The following UBA3 variants were observed in gnomAD, a reference collection of about 807,000 sequenced individuals.
UBA3 encodes the protein ubiquitin like modifier activating enzyme 3.
A neutral mutation model predicts 73.5 loss-of-function variants in UBA3; 26 were observed. The ratio of observed to expected loss-of-function variants is 0.35; its 90% CI spans 0.26 to 0.49. The LOEUF (loss-of-function observed/expected upper bound fraction) is 0.49, where lower values mean the gene tolerates loss of function less well. UBA3 is among the 20% of genes least tolerant of loss of function. The pLI is 0.98. For missense variants in UBA3, 495 were observed against 555.6 expected, an observed-to-expected ratio of 0.89 and a Z score of 1.10; for synonymous variants, 217 against 191.2, an observed-to-expected ratio of 1.13 and a Z score of -1.11.
chr3:69,080,307 G>C, intron 1 of UBA3, 27 bp downstream of exon 1: 1 of 1,603,850 alleles, frequency 6.2e-7, no homozygotes, highest in Non-Finnish European at 8.5e-7. Flanking sequence ...GCCCAGCCCG[G>C]CGCGTCTGCA....
intron 8 of UBA3, 115 bp from the exon 9 acceptor site, chr3:69,063,252 A>T (rs1300771744): frequency 7.3e-7 from 1 of 1,368,864 alleles, no homozygotes; most frequent in Non-Finnish European, 1.0e-6. Flanking sequence ...AATGTATCAA[A>T]TCAAGGGATT....
chr3:69,079,288 G>A (rs1350208727), intron 2 of UBA3, among the ~76,000 whole-genome samples: 1 of 152,228 alleles, frequency 6.6e-6, no homozygotes, highest in African/African-American at 2.4e-5. Context: ...AAAAGTGGGA[G>A]GGAAATAAAA....
Position 69,062,168 on chromosome 3 carries a change from G to C in UBA3, c.705C>G (p.Pro235=). 6.2e-7 allele frequency: 1 copy of C among 1,610,186 alleles called. No homozygotes were observed. Among genetic ancestry groups the C allele is most frequent in the South Asian group, 1.1e-5 (1 of 90,754 alleles). Residue 235 remains proline (P), a synonymous_variant, in exon 10 of 18, where the codon CCC becomes CCG. Transcript: ENST00000361055. Reference sequence around the variant, plus strand: ...TGGGCATAGATGCAATGGTGCACATGGGAAAATTAACCTAAAACCACAGTT... The same window carrying C: ...TGGGCATAGATGCAATGGTGCACATCGGAAAATTAACCTAAAACCACAGTT... ...LELYPPQVNF[P]MCTIASMPRL...
At chr3:69,080,045 C>T in intron 2 of UBA3, 67 bp downstream of exon 2, 1 of 1,497,108 alleles carries the variant, frequency 6.7e-7, no homozygotes. Context: ...GCGGCTGGTC[C>T]CCTAGGCCTG....
intron 6 of UBA3, among the ~76,000 whole-genome samples, chr3:69,066,851 T>G (rs1336595553): frequency 6.6e-6 from 1 of 152,238 alleles, no homozygotes; most frequent in Non-Finnish European, 1.5e-5. Flanking sequence ...TTGAAGACTA[T>G]GCTTCTTCCA....
rs1559646141 is a variant in UBA3, at chr3:69,071,591, A to G, written c.291T>C (p.His97=). 5 of 1,563,150 alleles carry G rather than the reference A, an allele frequency of 3.2e-6. No homozygotes were observed. The African/African-American group carries it at 4.2e-5, about 13-fold the overall frequency. ...NLALSGFRQI[H]VIDMDTIDVS... is the part of the protein sequence containing the mutation. ...CATCTATAGTGTCCATATCTATAAC[A>G]TGAATCTGTCTAAAACCAGACAAGG... Residue 97 remains histidine (H), a synonymous_variant, in exon 5 of 18, where the codon CAT becomes CAC. Coordinates refer to ENST00000361055, the MANE Select transcript of UBA3 (RefSeq NM_003968.4).
chr3:69,070,069 T>C (rs1212170523), intron 5 of UBA3, among the ~76,000 whole-genome samples: 2 of 152,196 alleles, frequency 1.3e-5, no homozygotes, highest in Non-Finnish European at 2.9e-5. Flanking sequence ...ATGGATAGTT[T>C]AGAAGTACTT....
At chr3:69,070,821 T>G (rs996093715) in intron 5 of UBA3, among the ~76,000 whole-genome samples, 9 of 152,096 alleles carry the variant, frequency 5.9e-5, no homozygotes, top group Non-Finnish European at 1.0e-4. Flanking sequence ...ATTTTTTAAT[T>G]TTTTTGTAGA....
chr3:69,075,521 T>G lies in UBA3; in HGVS notation c.184-11A>C, dbSNP rs752026920. 1 of 1,512,680 alleles carries G rather than the reference T, an allele frequency of 6.6e-7. No individual in the cohort carries two copies. Among genetic ancestry groups the G allele is most frequent in the East Asian group, 2.4e-5 (1 of 41,008 alleles). The allele number at this position is 1,512,680 out of a possible 1,614,324, so 93.7% of individuals were successfully genotyped here. A position where few individuals can be genotyped will look rare whatever the true frequency, so the allele number is the denominator to read the frequency against. Reference sequence around the variant, plus strand: ...CAAGAACTGGAGAGACTGTAAAGAATGGAAAGGCATATTAAAAGCTGGGTG... The same window carrying G: ...CAAGAACTGGAGAGACTGTAAAGAAGGGAAAGGCATATTAAAAGCTGGGTG... On this transcript the variant is annotated splice_polypyrimidine_tract_variant and intron_variant, in intron 3 of 17. Coordinates refer to ENST00000361055, the MANE Select transcript of UBA3 (RefSeq NM_003968.4).
At chr3:69,071,670 C>T (rs146886280) in intron 4 of UBA3, 53 bp from the exon 5 acceptor site, 41 of 1,167,384 alleles carry the variant, frequency 3.5e-5, no homozygotes, top group Admixed American at 1.7e-4. Flanking sequence ...CATTTAAAAA[C>T]GTAACATTTG....
chr3:69,077,593 CTTATA>C (rs1306315885), intron 3 of UBA3, 200 bp downstream of exon 3: 9 of 519,084 alleles, frequency 1.7e-5, no homozygotes, highest in African/African-American at 8.0e-5. Flanking sequence ...AAATTTTCAA[CTTATA>C]TTACATGAGA....
At chr3:69,075,368 A>G in intron 4 of UBA3, 62 bp downstream of exon 4, 1 of 793,976 alleles carries the variant, frequency 1.3e-6, no homozygotes, top group African/African-American at 1.8e-5. Flanking sequence ...TATGACAGAT[A>G]AGTAAGGTTT....
At position 69,063,486 on chromosome 3, in the gene UBA3, A is replaced by G; in HGVS notation, c.490T>C (p.Cys164Arg). Reference protein sequence around the residue: ...TFYRQFHIIVCGLDSIIARRW... With the variant: ...TFYRQFHIIVRGLDSIIARRW... ...CTGGCGATGATAGAGTCCAGTCCAC[A>G]TACAATAATATGAAATTCTACAAAA... The change falls in exon 8 of 18, where the codon TGT becomes CGT. Residue 164 changes from cysteine (C) to arginine (R), a missense_variant. By Grantham distance (180) the Cys-to-Arg change is radical. Transcript: ENST00000361055. The G allele has an allele frequency of 6.4e-7, 1 of 1,566,808 alleles. No individual in the cohort carries two copies. Among genetic ancestry groups the G allele is most frequent in the East Asian group, 2.3e-5 (1 of 43,446 alleles).
intron 2 of UBA3, among the ~76,000 whole-genome samples, chr3:69,079,203 G>A (rs78792385): frequency 0.025 from 3,740 of 152,286 alleles, 63 homozygotes; most frequent in East Asian, 0.038. Context: ...CAGCCATGAG[G>A]ATATAGATAA....
At chr3:69,057,909 C>T (rs1225189048) in intron 11 of UBA3, among the ~76,000 whole-genome samples, 5 of 148,624 alleles carry the variant, frequency 3.4e-5, no homozygotes, top group Non-Finnish European at 7.4e-5. Flanking sequence ...TTCTCTACTT[C>T]AACCCCACAT....
chr3:69,065,383 T>TA (rs1269412573), intron 6 of UBA3, among the ~76,000 whole-genome samples: 1 of 152,194 alleles, frequency 6.6e-6, no homozygotes, highest in Non-Finnish European at 1.5e-5. Flanking sequence ...CATCTTACTA[T>TA]AGTACAGTAC....
chr3:69,076,209 G>C (rs1015665706), intron 3 of UBA3, among the ~76,000 whole-genome samples: 4 of 152,136 alleles, frequency 2.6e-5, no homozygotes, highest in African/African-American at 9.7e-5. Context: ...ATCAAGCACT[G>C]CCCAAAGTGT....
At chr3:69,056,516 T>C (rs1158143504) in intron 14 of UBA3, 96 bp downstream of exon 14, 2 of 1,116,780 alleles carry the variant, frequency 1.8e-6, no homozygotes, top group East Asian at 2.4e-5. Flanking sequence ...TTCTGGAAGT[T>C]AGAAAATGTA....
chr3:69,077,907 T>C lies in UBA3; in HGVS notation c.74A>G (p.Asp25Gly), dbSNP rs200824807. 1.9e-6 allele frequency: 3 copies of C among 1,613,930 alleles called. No individual in the cohort carries two copies. Among genetic ancestry groups the C allele is most frequent in the Admixed American group, 1.7e-5 (1 of 59,978 alleles). The part of the protein sequence containing the change: ...EELLAEKMAV[D>G]GGCGDTGDWE... ...GTCTCCAGTGTCCCCACACCCACCA[T>C]CAACAGCCATTCTGCACAGAACACA... Residue 25 changes from aspartate to glycine, a missense_variant, in exon 3 of 18, where the codon GAT becomes GGT. Coordinates refer to ENST00000361055, the MANE Select transcript of UBA3 (RefSeq NM_003968.4).
Sources: allele counts gnomAD v4.1 joint callset (sites outside exome capture counted in the v4.1 genomes callset), GRCh38; gene constraint gnomAD v4.1.1; transcripts MANE v1.5; gene names NCBI Gene and HGNC (gene_info 2026-07-23, HGNC 2026-07-21).